Variants in KIR2DL1 observed in about 807,000 individuals in gnomAD.
KIR2DL1 encodes the protein killer cell immunoglobulin-like receptor 2DL1.
In KIR2DL1, 38 loss-of-function variants were observed where a neutral mutation model predicts 33.9. That is an observed-to-expected ratio of 1.12 (90% CI 0.86 to 1.47). The LOEUF is 1.47. Ranked by LOEUF, KIR2DL1 falls within the 40% of genes most tolerant of loss-of-function variation. The probability of loss-of-function intolerance (pLI) is 0.00; values close to 1 mark genes in which losing one functional copy is unlikely to be tolerated. For synonymous variants in KIR2DL1, 179 were observed against 165.9 expected (o/e 1.08, Z -0.61); for missense variants, 531 against 433.9 (o/e 1.22, Z -1.99).
In KIR2DL1 at chr19:54,783,625, C is replaced by T. The variant is rs749131619; in HGVS notation, c.871-12C>T. The T allele has an allele frequency of 1.2e-6, 2 of 1,613,992 alleles. No homozygotes were observed. Among genetic ancestry groups the T allele is most frequent in the East Asian group, 2.2e-5 (1 of 44,884 alleles). ...GAGCACCCTCCCTCACTCAGCATTT[C>T]CCTCTCTCCAGGACTCTGATGAACA... On this transcript the variant is annotated splice_polypyrimidine_tract_variant and intron_variant, in intron 7 of 7. Coordinates refer to ENST00000336077, the MANE Select transcript of KIR2DL1 (RefSeq NM_014218.3).
intron 5 of KIR2DL1, among the ~76,000 whole-genome samples, chr19:54,781,874 G>C (rs1008985763): frequency 6.6e-6 from 1 of 151,798 alleles, no homozygotes; most frequent in Admixed American, 6.5e-5. Context: ...AAGCACATTC[G>C]CTGTGAATCA....
At chr19:54,778,270 T>G (rs558066153) in intron 4 of KIR2DL1, among the ~76,000 whole-genome samples, 21 of 137,454 alleles carry the variant, frequency 1.5e-4, no homozygotes, top group East Asian at 1.0e-3. Context: ...AAAGAAAAAA[T>G]AAAAAACCAT....
In KIR2DL1 at chr19:54,776,350, T is replaced by C. The variant is rs1253157969; in HGVS notation, c.664+892T>C. 3.4e-5 allele frequency among the ~76,000 whole-genome samples: 5 copies of C among 147,126 alleles called. 1 individual carries two copies. The East Asian group carries it at 7.8e-4, about 23-fold the overall frequency. On this transcript the variant is annotated intron_variant, in intron 4 of 7. Coordinates refer to ENST00000336077, the MANE Select transcript of KIR2DL1 (RefSeq NM_014218.3). The stretch of plus-strand genomic sequence containing the variant: ...AGATCCACCTTTTAGCTCCTGTATA[T>C]GGGTGAGAAATGGGAATCTTTTTAA...
chr19:54,780,151 G>C lies in KIR2DL1; in HGVS notation c.715+1489G>C, dbSNP rs1177942480. On this transcript the variant is annotated intron_variant, in intron 5 of 7. Transcript: ENST00000336077. ...ACTCCCAACCTCAAGTGATCCGACCGTCTCAGCATGCCAAAGTAATGGGAC... is the reference window on the plus strand; with the variant it reads ...ACTCCCAACCTCAAGTGATCCGACCCTCTCAGCATGCCAAAGTAATGGGAC... 9 of 518,798 alleles carry C rather than the reference G, an allele frequency of 1.7e-5. 1 individual carries two copies. Among genetic ancestry groups the C allele is most frequent in the African/African-American group, 2.5e-5 (1 of 39,674 alleles). 32.1% of individuals were successfully genotyped at this position (518,798 alleles called of 1,614,324 possible).
At chr19:54,770,323 G>A (rs1457978419) in intron 1 of KIR2DL1, among the ~76,000 whole-genome samples, 3 of 145,216 alleles carry the variant, frequency 2.1e-5, no homozygotes, top group South Asian at 2.2e-4. Flanking sequence ...TCGATATCTG[G>A]GCCTGGAGTG....
chr19:54,781,902 C>G lies in KIR2DL1; in HGVS notation c.716-1020C>G, dbSNP rs1028299502. On this transcript the variant is annotated intron_variant, in intron 5 of 7. Transcript: ENST00000336077. ...GTGAATCAATCCCAGTCCAGTCTTC[C>G]CAGAGAAGACTCTAAACACCTCCTG... Among the ~76,000 whole-genome samples the G allele has an allele frequency of 7.9e-5, 12 of 152,062 alleles. No homozygotes were observed. The South Asian group carries it at 1.9e-3, about 24-fold the overall frequency.
Position 54,775,237 on chromosome 19 carries a change from C to G in KIR2DL1, c.443C>G (p.Ser148Cys), listed in dbSNP as rs878912697. ...TVLAGENVTL[S>C]CSSRSSYDMY... is the part of the protein sequence containing the mutation. ...CTGGCAGGAGAGAATGTGACCTTGT[C>G]CTGCAGCTCCCGGAGCTCCTATGAC... Residue 148 changes from serine to cysteine, a missense_variant, in exon 4 of 8, where the codon TCC (serine) becomes TGC (cysteine). Physicochemically the swap from Ser to Cys is moderately radical, Grantham distance 112 (BLOSUM62 -1). Transcript: ENST00000336077. 5 of 1,602,820 alleles carry G rather than the reference C, an allele frequency of 3.1e-6. No homozygotes were observed. Among genetic ancestry groups the G allele is most frequent in the Non-Finnish European group, 4.3e-6 (5 of 1,172,116 alleles).
intron 4 of KIR2DL1, among the ~76,000 whole-genome samples, chr19:54,776,494 A>C (rs1190518335): frequency 1.4e-5 from 2 of 147,234 alleles, no homozygotes; most frequent in East Asian, 3.9e-4. Context: ...ACTGATGGGC[A>C]GGTAGGTTGA....
chr19:54,781,643 G>T (rs866854895), intron 5 of KIR2DL1, among the ~76,000 whole-genome samples: 1,632 of 149,772 alleles, frequency 0.011, no homozygotes, highest in African/African-American at 0.038. Context: ...TGGCCGAGGG[G>T]GTGGTCCTTC....
At chr19:54,777,805 C>A (rs1343308548) in intron 4 of KIR2DL1, among the ~76,000 whole-genome samples, 2 of 148,558 alleles carry the variant, frequency 1.3e-5, no homozygotes, top group Admixed American at 1.4e-4. Context: ...TAGGTTCAGG[C>A]CTTAGACTCA....
At chr19:54,773,777 A>T in intron 3 of KIR2DL1, 145 bp downstream of exon 3, 4 of 925,224 alleles carry the variant, frequency 4.3e-6, no homozygotes, top group Non-Finnish European at 6.4e-6. Flanking sequence ...GCCAACAGAG[A>T]CAGAGAAACA....
rs2569664 is a variant in KIR2DL1 at position 54,778,687 on chromosome 19, C to T, written c.715+25C>T. On this transcript the variant is annotated intron_variant, in intron 5 of 7. Transcript: ENST00000336077. ...GGTGAGTACAGAACCCTCTTATATC[C>T]GCTTTTGGAACCCTGGGGAGGTGGG... is the stretch of plus-strand genomic sequence containing the variant. 3.1e-5 allele frequency: 46 copies of T among 1,492,770 alleles called. 4 individuals carry two copies. Among genetic ancestry groups the T allele is most frequent in the East Asian group, 2.5e-4 (11 of 44,530 alleles). 92.5% of individuals were successfully genotyped at this position (1,492,770 alleles called of 1,614,324 possible). A position where few individuals can be genotyped will look rare whatever the true frequency, so the allele number is the denominator to read the frequency against.
chr19:54,771,838 A>C (rs2075763085), intron 2 of KIR2DL1, among the ~76,000 whole-genome samples: 1 of 147,786 alleles, frequency 6.8e-6, no homozygotes. Flanking sequence ...GTTCACAACC[A>C]CACTACCCCA....
At chr19:54,775,830 C>T (rs2076264822) in intron 4 of KIR2DL1, among the ~76,000 whole-genome samples, 1 of 149,086 alleles carries the variant, frequency 6.7e-6, no homozygotes, top group Admixed American at 6.7e-5. Context: ...GCAACCCCTA[C>T]ACCCTTTACT....
chr19:54,771,926 C>T (rs2075773858), intron 2 of KIR2DL1, among the ~76,000 whole-genome samples: 1 of 147,652 alleles, frequency 6.8e-6, no homozygotes, highest in Non-Finnish European at 1.5e-5. Flanking sequence ...TTCTCCTTGT[C>T]CCACCTCCTG....
At chr19:54,780,308 A>C (rs1241567254) in intron 5 of KIR2DL1, 2 of 464,462 alleles carry the variant, frequency 4.3e-6, no homozygotes, top group Non-Finnish European at 7.7e-6. Context: ...CACGGAATGA[A>C]CCCCTGAAAG....
chr19:54,769,885 G>A lies in KIR2DL1; in HGVS notation c.34+1G>A, dbSNP rs767137500. The A allele has an allele frequency of 5.1e-6, 8 of 1,568,518 alleles. 2 individuals carry two copies. In the African/African-American group the frequency reaches 9.5e-5, roughly 19 times the overall value. On this transcript the variant is annotated splice_donor_variant, in intron 1 of 7. Transcript: ENST00000336077. LOFTEE classifies it high-confidence loss of function. The stretch of plus-strand genomic sequence containing the variant: ...TTGGTCGTCAGCATGGCGTGTGTTG[G>A]TGAGTCCTGGAAAGCAATAGAGGGA...
In KIR2DL1 at chr19:54,775,170, T is replaced by G. The variant is rs1375312184; in HGVS notation, c.376T>G (p.Tyr126Asp). ...DPLDIVIIGL[Y>D]EKPSLSAQLG... is the part of the protein sequence containing the mutation. ...ACTGCCTCTTCTCCTTCCAGGTCTA[T>G]ATGAGAAACCTTCTCTCTCAGCCCA... The change falls in exon 4 of 8, where the codon TAT becomes GAT. Residue 126 changes from tyrosine (Y) to aspartate (D), a missense_variant. By Grantham distance (160) the Tyr-to-Asp change is radical. Coordinates refer to ENST00000336077, the MANE Select transcript of KIR2DL1 (RefSeq NM_014218.3). 1 of 1,581,380 alleles carries G rather than the reference T, an allele frequency of 6.3e-7. No homozygotes were observed. Among genetic ancestry groups the G allele is most frequent in the African/African-American group, 1.4e-5 (1 of 73,472 alleles).
chr19:54,773,041 C>T (rs1437376719), intron 2 of KIR2DL1, among the ~76,000 whole-genome samples: 1 of 148,286 alleles, frequency 6.7e-6, no homozygotes, highest in African/African-American at 2.5e-5. Context: ...CTTCCACCCC[C>T]ACATAGACAG....
Sources: gnomAD v4.1 joint callset for allele counts (sites outside exome capture counted in the v4.1 genomes callset) on GRCh38, gnomAD v4.1.1 for gene constraint, MANE v1.5 for transcripts, NCBI Gene and HGNC (gene_info 2026-07-23, HGNC 2026-07-21) for gene names.